FAM13B: variants seen among roughly 807,000 people sequenced by gnomAD.
FAM13B encodes family with sequence similarity 13 member B, also known as protein FAM13B.
FAM13B carries 60 observed loss-of-function variants against 117.3 expected under a neutral mutation model. The ratio of observed to expected loss-of-function variants is 0.51; its 90% CI spans 0.42 to 0.63. The LOEUF (loss-of-function observed/expected upper bound fraction) is 0.63, where lower values mean the gene tolerates loss of function less well. FAM13B is among the 30% of genes least tolerant of loss of function. FAM13B has a pLI of 0.00. For missense variants in FAM13B, 972 were observed against 1,091.9 expected, an observed-to-expected ratio of 0.89 and a Z score of 1.55; for synonymous variants, 332 against 356.1, an observed-to-expected ratio of 0.93 and a Z score of 0.76.
chr5:138,036,596 A>G, upstream of FAM13B: 1 of 456,708 alleles, frequency 2.2e-6, no homozygotes. Context: ...CTCACCAGCA[A>G]CAGTCTCCAA....
chr5:137,982,541 CAACA>C (rs1776050516), intron 10 of FAM13B, among the ~76,000 whole-genome samples: 3 of 143,460 alleles, frequency 2.1e-5, no homozygotes, highest in African/African-American at 7.8e-5. Flanking sequence ...ACAACAACAA[CAACA>C]ACCTTCATTC....
At chr5:137,975,088 T>C (rs547641187) in intron 10 of FAM13B, among the ~76,000 whole-genome samples, 2 of 152,322 alleles carry the variant, frequency 1.3e-5, no homozygotes, top group East Asian at 1.9e-4. Flanking sequence ...AAATATTTAC[T>C]GTGTAGACCT....
At position 138,011,098 on chromosome 5, in the gene FAM13B, T is replaced by C; in HGVS notation, c.600A>G (p.Ile200Met). ...DMKEQEIVSRIMAGLLENYYE... is the reference protein window; with the variant it reads ...DMKEQEIVSRMMAGLLENYYE... ...AGTAGTTTTCCAGAAGTCCAGCCAT[T>C]ATCCTGCTCACTATTTCTTGCTCTT... Residue 200 changes from isoleucine (I) to methionine (M), a missense_variant, in exon 6 of 24, where the codon ATA becomes ATG. Coordinates refer to ENST00000689681, the MANE Select transcript of FAM13B (RefSeq NM_001385994.1). The C allele has an allele frequency of 6.2e-7, 1 of 1,608,470 alleles. No individual in the cohort carries two copies. The highest frequency in any genetic ancestry group is 8.5e-7 in the Non-Finnish European group (1 of 1,178,886).
chr5:138,035,258 A>C (rs1791046048), upstream of FAM13B, among the ~76,000 whole-genome samples: 1 of 150,672 alleles, frequency 6.6e-6, no homozygotes. Context: ...TGATCCTCCC[A>C]CCTCAGCCTC....
chr5:138,028,980 A>T (rs1561548249), intron 1 of FAM13B, among the ~76,000 whole-genome samples: 1 of 152,106 alleles, frequency 6.6e-6, no homozygotes, highest in African/African-American at 2.4e-5. Flanking sequence ...GATCGCCGCC[A>T]TTGCACTCCA....
chr5:137,983,243 G>GAA (rs1776336632), intron 10 of FAM13B, among the ~76,000 whole-genome samples: 1 of 140,248 alleles, frequency 7.1e-6, no homozygotes. Context: ...AATGCCAAGT[G>GAA]AAAAAAGTAT....
chr5:138,044,608 AAC>A (rs1336552283), intron 1 of FAM13B, among the ~76,000 whole-genome samples: 6 of 152,148 alleles, frequency 3.9e-5, no homozygotes, highest in Admixed American at 1.3e-4. Context: ...TCTTAAATAA[AAC>A]ACAACCTTTT....
At chr5:137,950,617 T>C (rs376280449) in intron 17 of FAM13B, among the ~76,000 whole-genome samples, 24 of 152,270 alleles carry the variant, frequency 1.6e-4, no homozygotes, top group African/African-American at 5.5e-4. Context: ...CACTGCAGCC[T>C]TGACCTCCTA....
At chr5:137,989,728 T>A (rs1581187629) in intron 7 of FAM13B, among the ~76,000 whole-genome samples, 1 of 152,276 alleles carries the variant, frequency 6.6e-6, no homozygotes, top group East Asian at 1.9e-4. Flanking sequence ...CTTAGGAGGC[T>A]GAGGCAGGAA....
intron 6 of FAM13B, among the ~76,000 whole-genome samples, chr5:138,008,358 C>G (rs900734745): frequency 1.3e-5 from 2 of 152,160 alleles, no homozygotes; most frequent in Admixed American, 1.3e-4. Context: ...AGGAGAATCA[C>G]TTGGGCCCAG....
At chr5:137,964,580 G>T (rs1458838518) in intron 10 of FAM13B, among the ~76,000 whole-genome samples, 1 of 151,590 alleles carries the variant, frequency 6.6e-6, no homozygotes, top group African/African-American at 2.4e-5. Flanking sequence ...AATTAGCCGG[G>T]CGTGGTAGCA....
intron 2 of FAM13B, chr5:138,019,818 T>TACAG: frequency 6.5e-6 from 1 of 153,258 alleles, no homozygotes; most frequent in Middle Eastern, 3.3e-3. Context: ...TAGCTGGGAC[T>TACAG]ACAGGTGCCT....
chr5:138,015,013 G>A (rs532310058), intron 4 of FAM13B, among the ~76,000 whole-genome samples: 1 of 152,310 alleles, frequency 6.6e-6, no homozygotes, highest in East Asian at 1.9e-4. Flanking sequence ...CCACAAAACT[G>A]CTAGCTATGT....
At chr5:138,026,893 C>T (rs1004507407) in intron 1 of FAM13B, among the ~76,000 whole-genome samples, 13 of 150,802 alleles carry the variant, frequency 8.6e-5, no homozygotes, top group African/African-American at 3.2e-4. Flanking sequence ...GAGCCGAGAT[C>T]GCGCCATTGC....
chr5:137,941,229 C>T (rs1761707198), intron 23 of FAM13B, among the ~76,000 whole-genome samples: 1 of 151,880 alleles, frequency 6.6e-6, no homozygotes, highest in Non-Finnish European at 1.5e-5. Flanking sequence ...TTTTTTTAAC[C>T]ATATGTGCCA....
chr5:137,951,794 T>C (rs911654371), intron 17 of FAM13B, among the ~76,000 whole-genome samples: 2 of 152,092 alleles, frequency 1.3e-5, no homozygotes, highest in Admixed American at 6.5e-5. Flanking sequence ...CTGGGCAACA[T>C]GGCAAAACCC....
chr5:137,985,200 G>GA, intron 10 of FAM13B, 57 bp downstream of exon 10: 1 of 1,552,114 alleles, frequency 6.4e-7, no homozygotes, highest in Non-Finnish European at 8.8e-7. Context: ...TGGCATCAAA[G>GA]AAACACATGA....
intron 17 of FAM13B, among the ~76,000 whole-genome samples, chr5:137,949,703 G>A (rs1764401478): frequency 6.6e-6 from 1 of 152,042 alleles, no homozygotes; most frequent in Non-Finnish European, 1.5e-5. Flanking sequence ...AGGAGGCTGA[G>A]GCAGGAGAAT....
At chr5:137,956,616 A>G in intron 13 of FAM13B, 74 bp from the exon 14 acceptor site, 1 of 1,045,300 alleles carries the variant, frequency 9.6e-7, no homozygotes, top group South Asian at 2.0e-5. Context: ...CATACACATA[A>G]CACAAAGCCA....
Sources: allele counts gnomAD v4.1 joint callset (sites outside exome capture counted in the v4.1 genomes callset), GRCh38; gene constraint gnomAD v4.1.1; transcripts MANE v1.5; gene names NCBI Gene and HGNC (gene_info 2026-07-23, HGNC 2026-07-21).